The following REDIC1 variants were observed in gnomAD, a reference collection of about 807,000 sequenced individuals.
REDIC1 encodes the protein HEI10 Interacting Protein 1.
chr12:39,880,434 A>G, the REDIC1 span, among the ~76,000 whole-genome samples: 2 of 152,220 alleles, frequency 1.3e-5, 1 homozygote, highest in Admixed American at 1.3e-4. Context: ...CATGCAAGAC[A>G]TAAAGCCAAA....
the REDIC1 span, chr12:39,716,657 GCTAAATTTGTTTTAC>G: frequency 3.7e-6 from 3 of 813,568 alleles, no homozygotes; most frequent in South Asian, 5.2e-5. Flanking sequence ...TGTGTTGTTA[GCTAAATTTGTTTTAC>G]CAGCAGATAT....
At chr12:39,740,175 G>A in the REDIC1 span, among the ~76,000 whole-genome samples, 4 of 152,100 alleles carry the variant, frequency 2.6e-5, no homozygotes, top group African/African-American at 9.7e-5. Context: ...CATTTTAGAT[G>A]GTTTATTACA....
chr12:39,900,413 T>G, the REDIC1 span, among the ~76,000 whole-genome samples: 3 of 152,248 alleles, frequency 2.0e-5, no homozygotes, highest in African/African-American at 7.2e-5. Context: ...TGTTTGCAGA[T>G]GACATGATCG....
chr12:39,845,577 T>C, the REDIC1 span, among the ~76,000 whole-genome samples: 331 of 152,256 alleles, frequency 2.2e-3, 2 homozygotes, highest in Middle Eastern at 6.8e-3. Flanking sequence ...GAGTTTTTAC[T>C]GAAGGGTGAA....
At chr12:39,865,379 A>G in the REDIC1 span, among the ~76,000 whole-genome samples, 1 of 152,324 alleles carries the variant, frequency 6.6e-6, no homozygotes, top group East Asian at 1.9e-4. Flanking sequence ...AAAGCAGTTG[A>G]AAGAGCATGT....
chr12:39,639,915 A>T, the REDIC1 span, among the ~76,000 whole-genome samples: 1 of 152,058 alleles, frequency 6.6e-6, no homozygotes, highest in South Asian at 2.1e-4. Flanking sequence ...AAATCTGGTA[A>T]TACTGTCATG....
the REDIC1 span, among the ~76,000 whole-genome samples, chr12:39,761,958 G>A: frequency 6.6e-6 from 1 of 152,040 alleles, no homozygotes; most frequent in Non-Finnish European, 1.5e-5. Flanking sequence ...CACTCCTATA[G>A]TTAAAAAACA....
At chr12:39,812,194 C>T in the REDIC1 span, among the ~76,000 whole-genome samples, 3 of 151,988 alleles carry the variant, frequency 2.0e-5, no homozygotes, top group African/African-American at 7.3e-5. Flanking sequence ...CATCTGTGCC[C>T]TCACATGGTA....
At chr12:39,689,009 C>T in the REDIC1 span, among the ~76,000 whole-genome samples, 1 of 152,148 alleles carries the variant, frequency 6.6e-6, no homozygotes. Flanking sequence ...AATAGAGCTG[C>T]CACCATGAAA....
the REDIC1 span, among the ~76,000 whole-genome samples, chr12:39,903,665 T>C: frequency 6.6e-6 from 1 of 152,066 alleles, no homozygotes; most frequent in Non-Finnish European, 1.5e-5. Flanking sequence ...AGGCATCTTC[T>C]GATAACAAGG....
At chr12:39,711,809 A>ATG in the REDIC1 span, among the ~76,000 whole-genome samples, 47,460 of 74,720 alleles carry the variant, frequency 0.64, 18,663 homozygotes, top group Non-Finnish European at 0.7. Context: ...ATGCATGTGT[A>ATG]TGTGTGTACA....
chr12:39,765,251 A>G, the REDIC1 span, among the ~76,000 whole-genome samples: 1 of 152,066 alleles, frequency 6.6e-6, no homozygotes, highest in South Asian at 2.1e-4. Context: ...TAAAATGGGG[A>G]TAATACTTTG....
chr12:39,760,953 A>AACAC, the REDIC1 span, among the ~76,000 whole-genome samples: 4 of 101,512 alleles, frequency 3.9e-5, no homozygotes, highest in South Asian at 1.2e-3. Context: ...GTCTCTACCA[A>AACAC]ACACACACAC....
chr12:39,825,007 T>C, the REDIC1 span, among the ~76,000 whole-genome samples: 5 of 152,134 alleles, frequency 3.3e-5, no homozygotes, highest in Admixed American at 6.5e-5. Flanking sequence ...GGTGAAATGC[T>C]GGGAAAACAG....
the REDIC1 span, among the ~76,000 whole-genome samples, chr12:39,693,892 C>A: frequency 6.6e-6 from 1 of 151,972 alleles, no homozygotes; most frequent in African/African-American, 2.4e-5. Flanking sequence ...TATATATTTC[C>A]AAGTTCCTTG....
At chr12:39,821,947 T>G in the REDIC1 span, among the ~76,000 whole-genome samples, 1 of 152,120 alleles carries the variant, frequency 6.6e-6, no homozygotes, top group Admixed American at 6.6e-5. Context: ...ACTTTAAGTT[T>G]TAGGGTACAT....
chr12:39,676,911 C>T, the REDIC1 span, among the ~76,000 whole-genome samples: 1 of 151,648 alleles, frequency 6.6e-6, no homozygotes, highest in Non-Finnish European at 1.5e-5. Flanking sequence ...GAGAATTCAC[C>T]ACTACCAAGC....
chr12:39,684,877 C>T, the REDIC1 span: 1 of 1,610,544 alleles, frequency 6.2e-7, no homozygotes, highest in South Asian at 1.1e-5. Flanking sequence ...GGGAAATATA[C>T]CTTCGGAAGA....
At chr12:39,805,658 A>C in the REDIC1 span, among the ~76,000 whole-genome samples, 1 of 152,194 alleles carries the variant, frequency 6.6e-6, no homozygotes, top group South Asian at 2.1e-4. Flanking sequence ...CTCCTTAAAA[A>C]CAAAAATCCA....
Sources: allele counts gnomAD v4.1 joint callset (sites outside exome capture counted in the v4.1 genomes callset), GRCh38; gene constraint gnomAD v4.1.1; transcripts MANE v1.5; gene names NCBI Gene and HGNC (gene_info 2026-07-23, HGNC 2026-07-21).